Variants in CEP63 observed in about 807,000 individuals in gnomAD.
CEP63 encodes centrosomal protein 63, also known as centrosomal protein of 63 kDa.
CEP63 carries 84 observed loss-of-function variants against 89.1 expected under a neutral mutation model. The observed-to-expected ratio is 0.94, with a 90% CI of 0.79 to 1.13. The LOEUF (loss-of-function observed/expected upper bound fraction) is 1.13, where lower values mean the gene tolerates loss of function less well. Among genes scored for constraint, CEP63 ranks in the 50% most tolerant of loss-of-function variants. The probability of loss-of-function intolerance (pLI) is 0.00; values close to 1 mark genes in which losing one functional copy is unlikely to be tolerated. For synonymous variants in CEP63, 267 were observed against 272.5 expected, an observed-to-expected ratio of 0.98 and a Z score of 0.20; for missense variants, 838 against 813.3, an observed-to-expected ratio of 1.03 and a Z score of -0.37.
intron 2 of CEP63, among the ~76,000 whole-genome samples, chr3:134,503,014 T>C (rs1942434783): frequency 6.6e-6 from 1 of 151,974 alleles, no homozygotes; most frequent in Non-Finnish European, 1.5e-5. Context: ...TTAGTTTCCA[T>C]GTATTTTTGT....
chr3:134,764,123 A>G, the CEP63 span, among the ~76,000 whole-genome samples: 105 of 152,352 alleles, frequency 6.9e-4, no homozygotes, highest in Non-Finnish European at 2.8e-4. Flanking sequence ...TTTAGCAAAC[A>G]AGTTTAGTTT....
At chr3:134,697,992 A>T in the CEP63 span, among the ~76,000 whole-genome samples, 1 of 152,368 alleles carries the variant, frequency 6.6e-6, no homozygotes, top group South Asian at 2.1e-4. Context: ...TCAGATGCAC[A>T]GCATGAACAT....
At chr3:134,714,226 G>A in the CEP63 span, among the ~76,000 whole-genome samples, 63 of 152,322 alleles carry the variant, frequency 4.1e-4, no homozygotes, top group African/African-American at 1.5e-3. Context: ...GCTGGTCTGG[G>A]GATCACTTTG....
At chr3:134,525,888 T>C (rs142824078) in intron 3 of CEP63, among the ~76,000 whole-genome samples, 16 of 152,326 alleles carry the variant, frequency 1.1e-4, no homozygotes, top group Non-Finnish European at 2.2e-4. Context: ...GTTTCAACCT[T>C]GGAGAATTTG....
chr3:134,683,167 G>A, the CEP63 span, among the ~76,000 whole-genome samples: 1 of 152,198 alleles, frequency 6.6e-6, no homozygotes, highest in East Asian at 1.9e-4. Context: ...CACCATGAAT[G>A]CCATTATATG....
At chr3:134,763,366 G>A in the CEP63 span, among the ~76,000 whole-genome samples, 1 of 152,014 alleles carries the variant, frequency 6.6e-6, no homozygotes, top group African/African-American at 2.4e-5. Context: ...ATTAAAAATC[G>A]TGGCTTGTCT....
At chr3:134,613,668 A>T in the CEP63 span, among the ~76,000 whole-genome samples, 1 of 152,242 alleles carries the variant, frequency 6.6e-6, no homozygotes, top group African/African-American at 2.4e-5. Context: ...ATGAAAATAT[A>T]AACTCAGTTA....
At chr3:134,503,385 T>C (rs1942576556) in intron 2 of CEP63, among the ~76,000 whole-genome samples, 1 of 152,126 alleles carries the variant, frequency 6.6e-6, no homozygotes, top group Non-Finnish European at 1.5e-5. Context: ...ATACTTGATA[T>C]GATTTTGATT....
the CEP63 span, among the ~76,000 whole-genome samples, chr3:134,698,576 A>C: frequency 6.6e-6 from 1 of 152,194 alleles, no homozygotes; most frequent in African/African-American, 2.4e-5. Flanking sequence ...GCTGCCTGTC[A>C]GGCAGAGATT....
chr3:134,496,030 A>T (rs1394457321), intron 2 of CEP63, among the ~76,000 whole-genome samples: 2 of 152,198 alleles, frequency 1.3e-5, no homozygotes, highest in Non-Finnish European at 2.9e-5. Flanking sequence ...TGCTGCAATA[A>T]ACATGGGGGT....
chr3:134,556,332 C>T (rs1012489330), intron 12 of CEP63, among the ~76,000 whole-genome samples: 1 of 152,134 alleles, frequency 6.6e-6, no homozygotes, highest in African/African-American at 2.4e-5. Context: ...TCAGAGTGAA[C>T]AGGCAACCTA....
intron 6 of CEP63, among the ~76,000 whole-genome samples, chr3:134,539,300 G>A (rs1430778554): frequency 6.6e-6 from 1 of 152,038 alleles, no homozygotes; most frequent in Non-Finnish European, 1.5e-5. Flanking sequence ...GTATAGTAAT[G>A]TTAACTATAT....
intron 1 of CEP63, among the ~76,000 whole-genome samples, chr3:134,492,573 T>C (rs75473140): frequency 7.8e-6 from 1 of 128,592 alleles, no homozygotes; most frequent in Non-Finnish European, 1.6e-5. Context: ...ACTTCCCTCC[T>C]TTTTTTTTTT....
intron 6 of CEP63, among the ~76,000 whole-genome samples, chr3:134,538,083 G>A (rs989462567): frequency 6.6e-6 from 1 of 151,890 alleles, no homozygotes; most frequent in Admixed American, 6.6e-5. Flanking sequence ...TTGACCCAGT[G>A]CTTCTTGTAT....
chr3:134,491,403 A>G (rs1037481858), intron 1 of CEP63, among the ~76,000 whole-genome samples: 9 of 152,158 alleles, frequency 5.9e-5, no homozygotes, highest in African/African-American at 1.7e-4. Flanking sequence ...CCATGTTTCT[A>G]TAGATTTTTT....
the CEP63 span, among the ~76,000 whole-genome samples, chr3:134,708,735 C>T: frequency 2.0e-5 from 3 of 152,118 alleles, no homozygotes; most frequent in Non-Finnish European, 2.9e-5. Flanking sequence ...CCCTTTTGCC[C>T]CCAAATGATA....
chr3:134,619,744 G>T, the CEP63 span, among the ~76,000 whole-genome samples: 3 of 152,240 alleles, frequency 2.0e-5, no homozygotes, highest in Non-Finnish European at 4.4e-5. Flanking sequence ...TGAGGCCTGT[G>T]GTGAGGCCCT....
chr3:134,624,382 A>G, the CEP63 span, among the ~76,000 whole-genome samples: 5 of 152,246 alleles, frequency 3.3e-5, no homozygotes, highest in African/African-American at 1.2e-4. Flanking sequence ...TCCACTCATT[A>G]TTTCAACAAA....
the CEP63 span, among the ~76,000 whole-genome samples, chr3:134,715,188 C>T: frequency 2.6e-5 from 4 of 152,212 alleles, no homozygotes; most frequent in African/African-American, 4.8e-5. Context: ...GTCCATCTCT[C>T]CTCCATACAG....
Sources: gnomAD v4.1 joint callset for allele counts (sites outside exome capture counted in the v4.1 genomes callset) on GRCh38, gnomAD v4.1.1 for gene constraint, MANE v1.5 for transcripts, NCBI Gene and HGNC (gene_info 2026-07-23, HGNC 2026-07-21) for gene names.